Variants in DOT1L observed in about 807,000 individuals in gnomAD.
DOT1L encodes DOT1 like histone lysine methyltransferase.
A neutral mutation model predicts 153.3 loss-of-function variants in DOT1L; 33 were observed. The observed-to-expected ratio is 0.22, with a 90% CI of 0.16 to 0.29. The LOEUF (loss-of-function observed/expected upper bound fraction) is 0.29, where lower values mean the gene tolerates loss of function less well. Ranked by LOEUF, DOT1L falls within the 10% of genes least tolerant of loss-of-function variation. The pLI is 1.00. For missense variants in DOT1L, 1,847 were observed against 2,119.9 expected (o/e 0.87, Z 2.53); for synonymous variants, 1,135 against 965.1 (o/e 1.18, Z -3.26).
At chr19:2,209,069 G>T in intron 12 of DOT1L, 93 bp downstream of exon 12, 10 of 1,439,606 alleles carry the variant, frequency 6.9e-6, no homozygotes, top group Non-Finnish European at 6.7e-6. Flanking sequence ...CAGGAGCCAC[G>T]ACTGGAGCAC....
intron 2 of DOT1L, among the ~76,000 whole-genome samples, chr19:2,185,085 T>C (rs2022429010): frequency 6.6e-6 from 1 of 152,206 alleles, no homozygotes; most frequent in Non-Finnish European, 1.5e-5. Flanking sequence ...TTTGTATTTT[T>C]AGTAGAGACG....
intron 22 of DOT1L, among the ~76,000 whole-genome samples, chr19:2,219,773 A>G (rs1449497774): frequency 6.6e-6 from 1 of 152,128 alleles, no homozygotes; most frequent in African/African-American, 2.4e-5. Flanking sequence ...TGCTGCTTGG[A>G]GAACACAGCC....
At chr19:2,202,946 C>T (rs1396786418) in intron 9 of DOT1L, among the ~76,000 whole-genome samples, 167 bp downstream of exon 9, 1 of 152,046 alleles carries the variant, frequency 6.6e-6, no homozygotes, top group Non-Finnish European at 1.5e-5. Context: ...TTTATTGAGA[C>T]AGTTTTCCTC....
intron 3 of DOT1L, among the ~76,000 whole-genome samples, 174 bp from the exon 4 acceptor site, chr19:2,189,558 C>T (rs2022698412): frequency 6.6e-6 from 1 of 152,252 alleles, no homozygotes; most frequent in Non-Finnish European, 1.5e-5. Context: ...AACCTGAAAT[C>T]TCCTGCATCA....
Position 2,223,548 on chromosome 19 carries a change from CTGTG to C in DOT1L, c.3596+71_3596+74del, listed in dbSNP as rs895630801. 8.3e-6 allele frequency: 3 copies of C among 361,730 alleles called. No individual in the cohort carries two copies. In the Admixed American group the frequency reaches 1.4e-4, roughly 17 times the overall value. 22.4% of individuals were successfully genotyped at this position (361,730 alleles called of 1,614,324 possible). A position where few individuals can be genotyped will look rare whatever the true frequency, so the allele number is the denominator to read the frequency against. ...AGCAGGGGCAGGAGGTGCCTGCTCA[CTGTG>C]TGTGTGTGGGTGGGTGGGTGGGGAG... is the stretch of plus-strand genomic sequence containing the variant. On this transcript the variant is annotated intron_variant, in intron 25 of 27. Transcript: ENST00000398665.
intron 7 of DOT1L, 50 bp from the exon 8 acceptor site, chr19:2,199,834 G>T: frequency 7.4e-7 from 1 of 1,356,692 alleles, no homozygotes; most frequent in South Asian, 1.2e-5. Context: ...GGCGGGCTGG[G>T]AGTGCCAGGG....
intron 16 of DOT1L, chr19:2,212,090 C>T (rs2023734439): frequency 2.1e-6 from 1 of 474,576 alleles, no homozygotes; most frequent in Non-Finnish European, 3.8e-6. Flanking sequence ...TAGGCACACC[C>T]AGCACAGTTT....
At chr19:2,175,192 GT>G (rs952743164) in intron 1 of DOT1L, among the ~76,000 whole-genome samples, 3 of 151,970 alleles carry the variant, frequency 2.0e-5, no homozygotes, top group African/African-American at 7.3e-5. Flanking sequence ...TAGAGACAGG[GT>G]TTCACTGTGT....
intron 19 of DOT1L, chr19:2,215,886 TAAACTA>T (rs1263199483): frequency 1.1e-5 from 2 of 176,404 alleles, no homozygotes; most frequent in Admixed American, 6.2e-5. Context: ...ACAGAACAGA[TAAACTA>T]AAAGGAAAAA....
chr19:2,187,970 G>C lies in DOT1L; in HGVS notation c.201-1762G>C, dbSNP rs1439324539. ...TGAAAAGACAGGAAGGGCCAGGGCT[G>C]CTCCTCTGGAGCTGCGGGGAAGGCG... On this transcript the variant is annotated intron_variant, in intron 3 of 27. Transcript: ENST00000398665. Among the ~76,000 whole-genome samples, 3 of 150,902 alleles carry C rather than the reference G, an allele frequency of 2.0e-5. No individual in the cohort carries two copies. The East Asian group carries it at 5.8e-4, about 29-fold the overall frequency.
intron 22 of DOT1L, among the ~76,000 whole-genome samples, chr19:2,218,727 C>T (rs11669799): frequency 0.042 from 6,336 of 151,826 alleles, 204 homozygotes; most frequent in Non-Finnish European, 0.065. Flanking sequence ...GATGGAGACT[C>T]ATTCTGTCCC....
At chr19:2,225,325 C>G in intron 25 of DOT1L, 63 bp from the exon 26 acceptor site, 1 of 1,512,338 alleles carries the variant, frequency 6.6e-7, no homozygotes, top group Non-Finnish European at 9.2e-7. Context: ...TGGCTGTCAG[C>G]ATTTGTGTCA....
At chr19:2,200,081 C>T (rs962340057) in intron 8 of DOT1L, 142 bp downstream of exon 8, 3 of 1,121,998 alleles carry the variant, frequency 2.7e-6, no homozygotes, top group Non-Finnish European at 3.8e-6. Flanking sequence ...AGGAAGGGCG[C>T]CTTTCCCTCA....
rs1418464502 is a variant in DOT1L at position 2,229,969 on chromosome 19, G to A, written c.*177G>A. ...CAGGAGGCTGGGACTGGTCCAGTTTGTACTGTCGATAGTTTTAGATAAAGT... is the reference window on the plus strand; with the variant it reads ...CAGGAGGCTGGGACTGGTCCAGTTTATACTGTCGATAGTTTTAGATAAAGT... On this transcript the variant is annotated 3_prime_UTR_variant, in exon 28 of 28. Coordinates refer to ENST00000398665, the MANE Select transcript of DOT1L (RefSeq NM_032482.3). 3.2e-6 allele frequency: 3 copies of A among 931,244 alleles called. No individual in the cohort carries two copies. The African/African-American group carries it at 5.0e-5, about 15-fold the overall frequency. 57.7% of individuals were successfully genotyped at this position (931,244 alleles called of 1,614,324 possible).
rs1212622699 is a variant in DOT1L at position 2,206,745 on chromosome 19, C to T, written c.804C>T (p.Ser268=). ...GTGTTTCAGGTGGCAGAATCGTGTC[C>T]TCGAAACCCTTTGCACCTCTGAACT... ...ANMKEGGRIV[S]SKPFAPLNFR... Residue 268 remains serine, a synonymous_variant, in exon 10 of 28, where the codon TCC becomes TCT. Transcript: ENST00000398665. 1 of 1,613,912 alleles carries T rather than the reference C, an allele frequency of 6.2e-7. No homozygotes were observed. The highest frequency in any genetic ancestry group is 8.5e-7 in the Non-Finnish European group (1 of 1,179,892).
Position 2,222,032 on chromosome 19 carries a change from T to A in DOT1L, c.2863T>A (p.Ser955Thr). The A allele has an allele frequency of 6.2e-7, 1 of 1,612,680 alleles. No individual in the cohort carries two copies. The change falls in exon 24 of 28, where the codon TCT becomes ACT. Residue 955 changes from serine (S) to threonine (T), a missense_variant. By Grantham distance (58) the Ser-to-Thr change is moderately conservative. Around this residue, in one of 8 missense-constraint regions of DOT1L, gnomAD observed 934 missense variants for 825.3 expected, o/e 1.13. Coordinates refer to ENST00000398665, the MANE Select transcript of DOT1L (RefSeq NM_032482.3). The surrounding 1 kb of genome is among the most constrained non-coding windows in gnomAD (Gnocchi z 6.5). ...ISGALAGSPA[S>T]LTPGAEPATL... The stretch of plus-strand genomic sequence containing the variant: ...CGGGGCCTTGGCGGGCAGCCCGGCC[T>A]CTCTCACACCTGGAGCCGAGCCGGC...
In DOT1L at chr19:2,204,820, CTG is replaced by C. The variant is rs986313830; in HGVS notation, c.788-1904_788-1903del. Among the ~76,000 whole-genome samples the C allele has an allele frequency of 6.6e-6, 1 of 152,176 alleles. No individual in the cohort carries two copies. The highest frequency in any genetic ancestry group is 1.5e-5 in the Non-Finnish European group (1 of 68,026). On this transcript the variant is annotated intron_variant, in intron 9 of 27. Coordinates refer to ENST00000398665, the MANE Select transcript of DOT1L (RefSeq NM_032482.3). This position sits in a 1 kb window ranked among gnomAD's most constrained non-coding sequence, Gnocchi z 5.7. ...CCTCTGGTAGGGATACTGGCCTAAC[CTG>C]TGTGCCCAGCCTGGCCCTGGAACCG... is the stretch of plus-strand genomic sequence containing the variant.
rs749852709 is a variant in DOT1L, at chr19:2,226,179, C to A, written c.3662-4C>A. Reference sequence around the variant, plus strand: ...TCACGGCTTCTGCCTTTCCTCTTTGCCAGGTGGTGGCTTGGCGGGAAGGAA... The same window carrying A: ...TCACGGCTTCTGCCTTTCCTCTTTGACAGGTGGTGGCTTGGCGGGAAGGAA... On this transcript the variant is annotated splice_region_variant and splice_polypyrimidine_tract_variant and intron_variant, in intron 26 of 27. Coordinates refer to ENST00000398665, the MANE Select transcript of DOT1L (RefSeq NM_032482.3). 1 of 1,514,490 alleles carries A rather than the reference C, an allele frequency of 6.6e-7. No homozygotes were observed. Among genetic ancestry groups the A allele is most frequent in the Non-Finnish European group, 8.9e-7 (1 of 1,129,874 alleles). The allele number at this position is 1,514,490 out of a possible 1,614,324, so 93.8% of individuals were successfully genotyped here.
At chr19:2,187,399 G>T (rs968527361) in intron 3 of DOT1L, among the ~76,000 whole-genome samples, 1 of 152,206 alleles carries the variant, frequency 6.6e-6, no homozygotes. Context: ...CGTGGGATGG[G>T]CTTAGCCAAG....
Sources: gnomAD v4.1 joint callset for allele counts (sites outside exome capture counted in the v4.1 genomes callset) on GRCh38, gnomAD v4.1.1 for gene constraint, gnomAD v4.1.1 regional missense constraint, Gnocchi (gnomAD v3.1) non-coding constraint, MANE v1.5 for transcripts, NCBI Gene and HGNC (gene_info 2026-07-23, HGNC 2026-07-21) for gene names.